Variants in EHBP1 observed in about 807,000 individuals in gnomAD.
The protein encoded by EHBP1 is EH domain binding protein 1.
EHBP1 carries 55 observed loss-of-function variants against 144.0 expected under a neutral mutation model. That is an observed-to-expected ratio of 0.38 (90% CI 0.31 to 0.48). The LOEUF is 0.48. Among genes scored for constraint, EHBP1 ranks in the 20% least tolerant of loss-of-function variants. EHBP1 has a pLI of 0.98. For missense variants in EHBP1, 1,200 were observed against 1,364.2 expected (o/e 0.88, Z 1.90); for synonymous variants, 469 against 472.7 (o/e 0.99, Z 0.10).
intron 13 of EHBP1, among the ~76,000 whole-genome samples, chr2:62,949,899 CATTGTCAAT>C (rs2057287907): frequency 2.0e-5 from 3 of 152,106 alleles, no homozygotes; most frequent in Admixed American, 2.0e-4. Flanking sequence ...AAAAGAACAA[CATTGTCAAT>C]AAAGTTATGA....
At chr2:62,793,005 A>G (rs1012749253) in intron 5 of EHBP1, among the ~76,000 whole-genome samples, 4 of 152,064 alleles carry the variant, frequency 2.6e-5, no homozygotes, top group Admixed American at 2.0e-4. Context: ...TGCTACGTAT[A>G]TTAAAAAGGA....
rs75835972 is a variant in EHBP1, at chr2:62,771,350, G to A, written c.270G>A (p.Ala90=). The change falls in exon 5 of 23, where the codon GCG becomes GCA. Residue 90 remains alanine (A), a synonymous_variant. Transcript: ENST00000431489. ...ITVTLFKDPH[A]EEFEDKEWTF... is the part of the protein sequence containing the mutation. ...TGCTTTTGTTACAGGATCCTCATGC[G>A]GAAGAATTTGAAGACAAAGAGTGGA... 0.015 allele frequency: 23,763 copies of A among 1,590,172 alleles called. 241 individuals are homozygous for A. The highest frequency in any genetic ancestry group is 0.018 in the Non-Finnish European group (20,877 of 1,167,588).
chr2:62,762,787 C>G (rs969687045), intron 3 of EHBP1, among the ~76,000 whole-genome samples: 3 of 152,002 alleles, frequency 2.0e-5, no homozygotes, highest in Non-Finnish European at 4.4e-5. Flanking sequence ...CCCTGTTTCT[C>G]TCTTATGTTT....
At chr2:62,887,415 T>A (rs151149719) in intron 10 of EHBP1, among the ~76,000 whole-genome samples, 229 of 152,240 alleles carry the variant, frequency 1.5e-3, no homozygotes, top group Middle Eastern at 0.01. Context: ...AAAACCTGAT[T>A]ACTTGCAAGA....
chr2:62,732,276 T>G (rs530077565), intron 2 of EHBP1, among the ~76,000 whole-genome samples: 5 of 152,320 alleles, frequency 3.3e-5, no homozygotes, highest in East Asian at 3.9e-4. Context: ...TGTCTATTAA[T>G]TTTTGGGAAT....
chr2:62,890,300 A>T (rs1221615943), intron 10 of EHBP1, among the ~76,000 whole-genome samples: 2 of 152,198 alleles, frequency 1.3e-5, no homozygotes, highest in Admixed American at 1.3e-4. Context: ...TTTGATGGGA[A>T]CAGCATTTTA....
intron 10 of EHBP1, among the ~76,000 whole-genome samples, chr2:62,937,735 G>A (rs1311162541): frequency 1.3e-5 from 2 of 152,162 alleles, no homozygotes; most frequent in African/African-American, 2.4e-5. Context: ...GTGGAGGTGG[G>A]AGACCTGGGG....
chr2:63,022,759 G>A (rs115791802), intron 19 of EHBP1, among the ~76,000 whole-genome samples: 91 of 152,276 alleles, frequency 6.0e-4, no homozygotes, highest in Non-Finnish European at 1.1e-3. Context: ...TTCCCTATCC[G>A]CACTTGTCAC....
chr2:62,820,707 T>TTGGG (rs1553429662), intron 5 of EHBP1, among the ~76,000 whole-genome samples: 1 of 132,440 alleles, frequency 7.6e-6, no homozygotes, highest in African/African-American at 2.9e-5. Context: ...TAGTATTCCA[T>TTGGG]TGGGTGTGTG....
intron 19 of EHBP1, among the ~76,000 whole-genome samples, chr2:63,012,375 TTAA>T (rs2060303942): frequency 6.6e-6 from 1 of 152,130 alleles, no homozygotes; most frequent in Non-Finnish European, 1.5e-5. Flanking sequence ...CCCTAGGCTT[TTAA>T]TAATTATAAA....
Position 62,942,804 on chromosome 2 carries a change from C to T in EHBP1, c.1272C>T (p.Asn424=), listed in dbSNP as rs374456531. 304 of 1,613,634 alleles carry T rather than the reference C, an allele frequency of 1.9e-4. No individual in the cohort carries two copies. Among genetic ancestry groups the T allele is most frequent in the Non-Finnish European group, 2.5e-4 (297 of 1,179,780 alleles). ...LLVWCKEVTK[N]YRGVKITNFT... is the part of the protein sequence containing the mutation. ...TATGGTGTAAAGAAGTTACAAAGAA[C>T]TACCGAGGAGTAAAAATCACCAATT... is the stretch of plus-strand genomic sequence containing the variant. The change falls in exon 11 of 23, where the codon AAC becomes AAT. Residue 424 remains asparagine, a synonymous_variant. Transcript: ENST00000431489.
chr2:62,713,253 C>CTT (rs36061722), intron 2 of EHBP1, among the ~76,000 whole-genome samples: 8 of 136,668 alleles, frequency 5.9e-5, no homozygotes, highest in East Asian at 2.1e-4. Context: ...GTGCTAAACT[C>CTT]TTTTTTTTTT....
At chr2:62,675,128 T>G (rs2151717107) in intron 1 of EHBP1, among the ~76,000 whole-genome samples, 1 of 152,320 alleles carries the variant, frequency 6.6e-6, no homozygotes, top group African/African-American at 2.4e-5. Context: ...GCTGAAGAAA[T>G]GATGCCCACA....
At chr2:62,958,301 A>C (rs1443824741) in intron 14 of EHBP1, among the ~76,000 whole-genome samples, 1 of 152,254 alleles carries the variant, frequency 6.6e-6, no homozygotes, top group Non-Finnish European at 1.5e-5. Flanking sequence ...ACCCAGAAAC[A>C]GGACAAAATT....
At chr2:62,940,541 C>A (rs1055863447) in intron 10 of EHBP1, among the ~76,000 whole-genome samples, 1 of 152,164 alleles carries the variant, frequency 6.6e-6, no homozygotes, top group East Asian at 1.9e-4. Flanking sequence ...CCAGCTGTAA[C>A]AACAAACAGT....
At chr2:62,856,768 G>A (rs978699750) in intron 7 of EHBP1, among the ~76,000 whole-genome samples, 2 of 152,214 alleles carry the variant, frequency 1.3e-5, no homozygotes, top group Admixed American at 1.3e-4. Context: ...TTGGAAGAAT[G>A]GTGCTGATAG....
At chr2:62,740,685 A>T (rs1228729726) in intron 2 of EHBP1, among the ~76,000 whole-genome samples, 1 of 152,098 alleles carries the variant, frequency 6.6e-6, no homozygotes, top group Admixed American at 6.6e-5. Flanking sequence ...TATTTTAAGC[A>T]TATCCTGGAT....
intron 7 of EHBP1, among the ~76,000 whole-genome samples, chr2:62,843,478 C>CTAG (rs1294159618): frequency 6.6e-6 from 1 of 152,090 alleles, no homozygotes; most frequent in Non-Finnish European, 1.5e-5. Context: ...CAGTGGGTGT[C>CTAG]TAGATGTATG....
At chr2:62,870,431 C>A (rs1010786008) in intron 9 of EHBP1, among the ~76,000 whole-genome samples, 2 of 151,992 alleles carry the variant, frequency 1.3e-5, no homozygotes, top group African/African-American at 4.8e-5. Flanking sequence ...TATTTTGAGA[C>A]TAGCCAGGTG....
Sources: allele counts gnomAD v4.1 joint callset (sites outside exome capture counted in the v4.1 genomes callset), GRCh38; gene constraint gnomAD v4.1.1; transcripts MANE v1.5; gene names NCBI Gene and HGNC (gene_info 2026-07-23, HGNC 2026-07-21).